Variants in ADAM22 observed in about 807,000 individuals in gnomAD.
ADAM22 encodes the protein ADAM metallopeptidase domain 22, also known as disintegrin and metalloproteinase domain-containing protein 22.
Under a neutral mutation model 144.6 loss-of-function variants are expected in ADAM22, and 65 were observed. The ratio of observed to expected loss-of-function variants is 0.45; its 90% CI spans 0.37 to 0.55. The LOEUF is 0.55. Among genes scored for constraint, ADAM22 ranks in the 20% least tolerant of loss-of-function variants. The probability of loss-of-function intolerance (pLI) is 0.00; values close to 1 mark genes in which losing one functional copy is unlikely to be tolerated. For missense variants in ADAM22, 974 were observed against 1,184.9 expected, an observed-to-expected ratio of 0.82 and a Z score of 2.61; for synonymous variants, 391 against 412.6, an observed-to-expected ratio of 0.95 and a Z score of 0.63.
chr7:87,993,595 C>T (rs1790418677), intron 3 of ADAM22, among the ~76,000 whole-genome samples: 1 of 152,176 alleles, frequency 6.6e-6, no homozygotes, highest in African/African-American at 2.4e-5. Flanking sequence ...AAGGTCCTTC[C>T]AGCACCTTAC....
intron 2 of ADAM22, among the ~76,000 whole-genome samples, chr7:87,967,807 CAAAAAAAAAAA>C (rs35787636): frequency 3.3e-5 from 2 of 60,952 alleles, no homozygotes; most frequent in Middle Eastern, 0.019. Context: ...GACTCTGTCT[CAAAAAAAAAAA>C]AAAAAAAAAA....
At chr7:88,171,455 G>A (rs1844290201) in intron 25 of ADAM22, 89 bp from the exon 26 acceptor site, 2 of 1,203,408 alleles carry the variant, frequency 1.7e-6, no homozygotes, top group African/African-American at 1.6e-5. Context: ...GAAAGCTAGA[G>A]CTTTTATGTT....
At chr7:88,096,541 G>T (rs954824888) in intron 4 of ADAM22, among the ~76,000 whole-genome samples, 10 of 150,454 alleles carry the variant, frequency 6.6e-5, no homozygotes, top group African/African-American at 2.4e-4. Flanking sequence ...GACTTTATAT[G>T]ACTCATAAAT....
intron 2 of ADAM22, among the ~76,000 whole-genome samples, chr7:87,966,721 GTTTTTTTTTTTTT>G (rs71120012): frequency 1.5e-4 from 6 of 39,886 alleles, no homozygotes; most frequent in East Asian, 9.9e-4. Flanking sequence ...AAGGAAAGCC[GTTTTTTTTTTTTT>G]TTTTTTTTTT....
chr7:88,079,645 G>C (rs1815862928), intron 4 of ADAM22, among the ~76,000 whole-genome samples: 1 of 152,196 alleles, frequency 6.6e-6, no homozygotes, highest in Non-Finnish European at 1.5e-5. Context: ...TAAAGGGATG[G>C]AGGAAGATCT....
At chr7:88,143,615 T>G (rs1835451259) in intron 15 of ADAM22, among the ~76,000 whole-genome samples, 1 of 152,188 alleles carries the variant, frequency 6.6e-6, no homozygotes, top group Admixed American at 6.6e-5. Context: ...GAGAAAGTCT[T>G]GGACTTTGTC....
intron 21 of ADAM22, among the ~76,000 whole-genome samples, chr7:88,155,554 G>A (rs999558789): frequency 1.3e-5 from 2 of 150,250 alleles, no homozygotes; most frequent in Admixed American, 1.3e-4. Flanking sequence ...AGAAGAAGAA[G>A]AAATAGATTA....
intron 27 of ADAM22, among the ~76,000 whole-genome samples, chr7:88,179,447 A>G (rs1443293187): frequency 1.3e-5 from 2 of 152,096 alleles, no homozygotes; most frequent in East Asian, 3.8e-4. Flanking sequence ...TAAATTGGTG[A>G]TATAAGTGCT....
intron 15 of ADAM22, among the ~76,000 whole-genome samples, chr7:88,143,877 G>A (rs1835533980): frequency 6.6e-6 from 1 of 152,212 alleles, no homozygotes; most frequent in East Asian, 1.9e-4. Context: ...GAAGCAAATT[G>A]ACAATTTTAA....
intron 3 of ADAM22, among the ~76,000 whole-genome samples, chr7:88,003,968 G>C (rs1007828205): frequency 6.6e-6 from 1 of 152,156 alleles, no homozygotes; most frequent in African/African-American, 2.4e-5. Flanking sequence ...CTCAAGGCCT[G>C]ACTCTGCAGA....
rs1347156483 is a variant in ADAM22 at position 88,196,968 on chromosome 7, G to C, written c.*477G>C. On this transcript the variant is annotated 3_prime_UTR_variant, in exon 32 of 32. Coordinates refer to ENST00000413139, the MANE Select transcript of ADAM22 (RefSeq NM_001324418.2). ...TCCCATAATAGAAATGAGCATGCAGGGCTAAGGCATATAGGATTTTTCTGC... is the reference window on the plus strand; with the variant it reads ...TCCCATAATAGAAATGAGCATGCAGCGCTAAGGCATATAGGATTTTTCTGC... The C allele has an allele frequency of 6.3e-6, 1 of 157,716 alleles. No homozygotes were observed. The highest frequency in any genetic ancestry group is 2.4e-5 in the African/African-American group (1 of 41,508). The allele number at this position is 157,716 out of a possible 1,614,324, so 9.8% of individuals were successfully genotyped here.
Position 88,198,147 on chromosome 7 carries a change from C to T in ADAM22, c.*1656C>T, listed in dbSNP as rs891535480. The stretch of plus-strand genomic sequence containing the variant: ...ATCTGCAGACAGGTTTTCAGATATA[C>T]TCTCTTAAATTTGATCCTCTCCCAT... On this transcript the variant is annotated 3_prime_UTR_variant, in exon 32 of 32. Transcript: ENST00000413139. 1 of 152,130 alleles carries T rather than the reference C, an allele frequency of 6.6e-6. No homozygotes were observed. The highest frequency in any genetic ancestry group is 1.9e-4 in the East Asian group (1 of 5,196). 9.4% of individuals were successfully genotyped at this position (152,130 alleles called of 1,614,324 possible).
chr7:87,945,024 G>A (rs982993882), intron 2 of ADAM22, among the ~76,000 whole-genome samples: 3 of 149,572 alleles, frequency 2.0e-5, no homozygotes, highest in African/African-American at 7.4e-5. Flanking sequence ...CTTTGTAAAG[G>A]TCTGCAGGCT....
intron 2 of ADAM22, chr7:87,964,660 C>A: frequency 2.4e-6 from 1 of 424,006 alleles, no homozygotes; most frequent in Non-Finnish European, 4.6e-6. Flanking sequence ...AGTCAGAATC[C>A]CAGAAGACCA....
rs1850011852 is a variant in ADAM22, at chr7:88,193,310, AAG to A, written c.2874+77_2874+78del. 3.3e-6 allele frequency: 5 copies of A among 1,496,094 alleles called. No homozygotes were observed. The Admixed American group carries it at 6.6e-5, about 20-fold the overall frequency. 92.7% of individuals were successfully genotyped at this position (1,496,094 alleles called of 1,614,324 possible). On this transcript the variant is annotated intron_variant, in intron 31 of 31. Coordinates refer to ENST00000413139, the MANE Select transcript of ADAM22 (RefSeq NM_001324418.2). ...ATTTATCTATGAGTTTATATTTTAAAAGAGAGAACCATTTTTCCTCCCTTGTT... is the reference window on the plus strand; with the variant it reads ...ATTTATCTATGAGTTTATATTTTAAAAGAGAACCATTTTTCCTCCCTTGTT...
chr7:87,991,414 C>T (rs1040070585), intron 3 of ADAM22, among the ~76,000 whole-genome samples: 2 of 131,360 alleles, frequency 1.5e-5, no homozygotes, highest in African/African-American at 2.9e-5. Context: ...GGCCGGAATG[C>T]GGAATGTAGT....
intron 4 of ADAM22, among the ~76,000 whole-genome samples, chr7:88,098,556 G>A (rs1007899186): frequency 6.6e-6 from 1 of 152,038 alleles, no homozygotes; most frequent in African/African-American, 2.4e-5. Flanking sequence ...CCGATGGTTG[G>A]TGTCCTTACC....
chr7:88,165,908 A>G lies in ADAM22; in HGVS notation c.2153A>G (p.Asn718Ser), dbSNP rs192156761. 1.1e-4 allele frequency: 180 copies of G among 1,611,876 alleles called. 1 individual carries two copies. In the Admixed American group the frequency reaches 2.5e-3, roughly 23 times the overall value. ...GATTGCAACACTTACTTCCCTCACA[A>G]TGATGATGCAAAGACTGGTATCACT... ...GSDCNTYFPH[N>S]DDAKTGITLS... Residue 718 changes from asparagine (N) to serine (S), a missense_variant, in exon 24 of 32, where the codon AAT becomes AGT. Asn to Ser is a conservative substitution (Grantham distance 46). Transcript: ENST00000413139.
chr7:88,150,872 G>A (rs1838141385), intron 18 of ADAM22, 109 bp from the exon 19 acceptor site: 16 of 919,252 alleles, frequency 1.7e-5, no homozygotes, highest in Non-Finnish European at 2.3e-5. Context: ...ATGGTATAAG[G>A]GACTAGCCAT....
Sources: gnomAD v4.1 joint callset for allele counts (sites outside exome capture counted in the v4.1 genomes callset) on GRCh38, gnomAD v4.1.1 for gene constraint, MANE v1.5 for transcripts, NCBI Gene and HGNC (gene_info 2026-07-23, HGNC 2026-07-21) for gene names.